The following TENM1 variants were observed in gnomAD, a reference collection of about 807,000 sequenced individuals.
TENM1 encodes teneurin-1.
TENM1 carries 35 observed loss-of-function variants against 174.8 expected under a neutral mutation model. The observed-to-expected ratio is 0.20, with a 90% CI of 0.15 to 0.27. TENM1 has a LOEUF of 0.27. TENM1 is among the 10% of genes least tolerant of loss of function. TENM1 has a pLI of 1.00. For missense variants in TENM1, 1,633 were observed against 2,130.1 expected, an observed-to-expected ratio of 0.77 and a Z score of 4.59; for synonymous variants, 781 against 798.7, an observed-to-expected ratio of 0.98 and a Z score of 0.37.
In TENM1 at chrX:124,679,412, C is replaced by T. The variant is rs768404565; in HGVS notation, c.1016-7577G>A. 1.6e-4 allele frequency among the ~76,000 whole-genome samples: 18 copies of T among 111,440 alleles called. No individual in the cohort carries two copies. The East Asian group carries it at 4.5e-3, about 28-fold the overall frequency. On this transcript the variant is annotated intron_variant, in intron 5 of 31. Transcript: ENST00000422452. ...ACGAAGTACATTACCCAGATGGTGA[C>T]CCCTGATGACTTCAGGCTTTCAACT...
rs1055861892 is a variant in TENM1, at chrX:124,674,368, G to A, written c.1016-2533C>T. Among the ~76,000 whole-genome samples the A allele has an allele frequency of 4.3e-5, 4 of 93,236 alleles. No homozygotes were observed. The Admixed American group carries it at 5.1e-4, about 12-fold the overall frequency. 81.0% of individuals were successfully genotyped at this position (93,236 alleles called of 115,157 possible). ...TAAGCCATTTCGTATTTCTCTTTGT[G>A]TTCCTAGGTGAACTGAAAGGGGCTA... On this transcript the variant is annotated intron_variant, in intron 5 of 31. Coordinates refer to ENST00000422452, the Ensembl canonical transcript of TENM1.
At chrX:124,385,612 T>G (rs1603244970) in intron 29 of TENM1, 65 bp downstream of exon 32, 1 of 1,040,880 alleles carries the variant, frequency 9.6e-7, no homozygotes, top group African/African-American at 1.9e-5. Flanking sequence ...CACACTGTGG[T>G]CAGTAAAAAT....
the TENM1 span, among the ~76,000 whole-genome samples, chrX:125,017,416 T>C: frequency 1.8e-5 from 2 of 111,899 alleles, no homozygotes; most frequent in East Asian, 5.7e-4. Flanking sequence ...GCTTTTACAC[T>C]GTTGGTGGGA....
the TENM1 span, among the ~76,000 whole-genome samples, chrX:125,106,427 T>C: frequency 2.9e-5 from 3 of 104,768 alleles, no homozygotes; most frequent in Non-Finnish European, 5.9e-5. Flanking sequence ...TTTTTTTTTT[T>C]GAGATGGAGT....
At chrX:124,720,257 C>T (rs1197142125) in intron 4 of TENM1, among the ~76,000 whole-genome samples, 1 of 111,796 alleles carries the variant, frequency 8.9e-6, no homozygotes, top group Non-Finnish European at 1.9e-5. Flanking sequence ...TCAACATAGA[C>T]CTTAAGTCTG....
At chrX:124,871,965 G>A (rs966550168) in intron 3 of TENM1, among the ~76,000 whole-genome samples, 3 of 105,753 alleles carry the variant, frequency 2.8e-5, no homozygotes, top group Non-Finnish European at 3.9e-5. Context: ...CCAGGAGGCC[G>A]AGGTTGCAGT....
chrX:125,200,650 T>TGA, the TENM1 span, among the ~76,000 whole-genome samples: 173 of 53,906 alleles, frequency 3.2e-3, 2 homozygotes, highest in East Asian at 0.013. Context: ...TGTGTGTGTG[T>TGA]GTGTGAGAGA....
At chrX:124,576,067 T>C (rs2049159505) in intron 11 of TENM1, among the ~76,000 whole-genome samples, 1 of 106,237 alleles carries the variant, frequency 9.4e-6, no homozygotes, top group Non-Finnish European at 2.0e-5. Context: ...AAATATTAAC[T>C]TTTTTTTTTT....
the TENM1 span, among the ~76,000 whole-genome samples, chrX:125,114,978 G>T: frequency 1.8e-5 from 2 of 111,867 alleles, no homozygotes; most frequent in African/African-American, 6.5e-5. Flanking sequence ...GAACATTGAT[G>T]TGAAAATCCT....
the TENM1 span, among the ~76,000 whole-genome samples, chrX:125,025,815 T>C: frequency 1.8e-5 from 2 of 111,269 alleles, no homozygotes; most frequent in African/African-American, 6.5e-5. Context: ...CACCGCTAAA[T>C]ACCTGATAAG....
At chrX:124,967,310 G>C (rs976649998), upstream of TENM1, among the ~76,000 whole-genome samples, 1 of 111,209 alleles carries the variant, frequency 9.0e-6, no homozygotes, top group African/African-American at 3.3e-5. Flanking sequence ...CCAATAGCAG[G>C]CTTCCAGAGA....
At position 124,891,400 on chromosome X, in the gene TENM1, G is replaced by A. The variant is rs780043281; in HGVS notation, c.535+2896C>T. On this transcript the variant is annotated intron_variant, in intron 3 of 31. Coordinates refer to ENST00000422452, the Ensembl canonical transcript of TENM1. ...GTATGCCTGTATCAAAACATCACATGTTGTAACCCCAGCACTTTGGGAGGC... is the reference window on the plus strand; with the variant it reads ...GTATGCCTGTATCAAAACATCACATATTGTAACCCCAGCACTTTGGGAGGC... Among the ~76,000 whole-genome samples the A allele has an allele frequency of 2.0e-3, 218 of 111,218 alleles. 1 individual carries two copies. The highest frequency in any genetic ancestry group is 6.6e-3 in the African/African-American group (201 of 30,625).
intron 3 of TENM1, among the ~76,000 whole-genome samples, chrX:124,789,004 G>A (rs2055112123): frequency 1.8e-5 from 2 of 112,336 alleles, no homozygotes; most frequent in Non-Finnish European, 3.8e-5. Context: ...CCTATAGCAA[G>A]CTTCTACCTG....
At chrX:124,971,260 A>G in the TENM1 span, among the ~76,000 whole-genome samples, 1 of 110,752 alleles carries the variant, frequency 9.0e-6, no homozygotes, top group Non-Finnish European at 1.9e-5. Flanking sequence ...CGTTGTGCAC[A>G]TGTACCCTAC....
chrX:125,051,992 T>G, the TENM1 span, among the ~76,000 whole-genome samples: 2 of 109,746 alleles, frequency 1.8e-5, no homozygotes, highest in Non-Finnish European at 3.8e-5. Flanking sequence ...TCAAACAAAT[T>G]TACAAGAAAA....
chrX:124,550,883 C>A (rs192131190), intron 14 of TENM1, among the ~76,000 whole-genome samples: 135 of 110,719 alleles, frequency 1.2e-3, no homozygotes, highest in Non-Finnish European at 2.0e-3. Flanking sequence ...CTCAGCCTCC[C>A]GAGTACCTGG....
chrX:124,783,631 T>C (rs1391760970), intron 3 of TENM1, among the ~76,000 whole-genome samples: 1 of 111,685 alleles, frequency 9.0e-6, no homozygotes, highest in Non-Finnish European at 1.9e-5. Context: ...CTTTAGGAAC[T>C]GGAGAGTGAA....
At chrX:125,135,120 A>T in the TENM1 span, among the ~76,000 whole-genome samples, 3 of 111,556 alleles carry the variant, frequency 2.7e-5, no homozygotes, top group African/African-American at 9.8e-5. Flanking sequence ...GATCAAGGAA[A>T]AAAATGGCCT....
chrX:124,645,097 G>A (rs375212215), intron 10 of TENM1, 46 bp downstream of exon 13: 7 of 1,152,863 alleles, frequency 6.1e-6, no homozygotes, highest in Non-Finnish European at 8.2e-6. Context: ...TTGGACAACT[G>A]AGTGAGAGAA....
Sources: allele counts gnomAD v4.1 joint callset (sites outside exome capture counted in the v4.1 genomes callset), GRCh38; gene constraint gnomAD v4.1.1; transcripts MANE v1.5; gene names NCBI Gene and HGNC (gene_info 2026-07-23, HGNC 2026-07-21).